The following ARSG variants were observed in gnomAD, a reference collection of about 807,000 sequenced individuals.
The protein encoded by ARSG is arylsulfatase G.
In ARSG, 37 loss-of-function variants were observed where a neutral mutation model predicts 50.5. That is an observed-to-expected ratio of 0.73 (90% CI 0.56 to 0.96). The LOEUF is 0.96. ARSG is among the 50% of genes least tolerant of loss of function. The pLI, the probability that ARSG is intolerant of heterozygous loss-of-function variation, is 0.00. For missense variants in ARSG, 629 were observed against 675.3 expected, an observed-to-expected ratio of 0.93 and a Z score of 0.76; for synonymous variants, 225 against 254.6, an observed-to-expected ratio of 0.88 and a Z score of 1.11.
At chr17:68,442,483 A>AGGAGAAAC in the ARSG span, among the ~76,000 whole-genome samples, 1 of 150,474 alleles carries the variant, frequency 6.6e-6, no homozygotes, top group African/African-American at 2.4e-5. Flanking sequence ...AAAAAAAAAA[A>AGGAGAAAC]GGAGAAACAT....
intron 2 of ARSG, among the ~76,000 whole-genome samples, chr17:68,333,818 C>T (rs1411655367): frequency 6.6e-6 from 1 of 152,068 alleles, no homozygotes; most frequent in Non-Finnish European, 1.5e-5. Context: ...ATAGCTAGAA[C>T]TCGATTTGGA....
chr17:68,286,048 C>A (rs1369841813), intron 1 of ARSG, among the ~76,000 whole-genome samples: 2 of 152,266 alleles, frequency 1.3e-5, no homozygotes, highest in East Asian at 3.9e-4. Context: ...TGTGAGCCAC[C>A]GCGCCTGGCA....
At chr17:68,411,165 G>A (rs948197218) in intron 11 of ARSG, among the ~76,000 whole-genome samples, 8 of 152,096 alleles carry the variant, frequency 5.3e-5, no homozygotes, top group Non-Finnish European at 8.8e-5. Flanking sequence ...CCTTCTGCTA[G>A]CTTTTGAATG....
At chr17:68,431,272 G>A in the ARSG span, among the ~76,000 whole-genome samples, 8 of 152,288 alleles carry the variant, frequency 5.3e-5, no homozygotes, top group South Asian at 2.1e-4. Context: ...GTTCCTTAAC[G>A]TTTCCGTGTC....
chr17:68,426,253 G>GGCCCCCCC, downstream of ARSG: 1 of 841,018 alleles, frequency 1.2e-6, no homozygotes, highest in Non-Finnish European at 1.9e-6. Flanking sequence ...GGGGAGCGGG[G>GGCCCCCCC]GCTCAAATAA....
At chr17:68,374,126 C>T (rs1467173065) in intron 8 of ARSG, among the ~76,000 whole-genome samples, 3 of 140,668 alleles carry the variant, frequency 2.1e-5, no homozygotes, top group Admixed American at 7.4e-5. Flanking sequence ...CACTGGACTC[C>T]AGCCTGGGTG....
chr17:68,415,862 A>G (rs373162948), intron 11 of ARSG, among the ~76,000 whole-genome samples: 1 of 152,152 alleles, frequency 6.6e-6, no homozygotes, highest in Admixed American at 6.5e-5. Context: ...GTTCATTTGC[A>G]TGAAATATCT....
rs756266983 is a variant in ARSG, at chr17:68,368,597, G to T, written c.754G>T (p.Val252Leu). The change falls in exon 7 of 12, where the codon GTG becomes TTG. Residue 252 changes from valine (V) to leucine (L), a missense_variant. Coordinates refer to ENST00000621439, the MANE Select transcript of ARSG (RefSeq NM_001267727.2). ...LLYVALAHMH[V>L]PLPVTQLPAA... ...CTATGTGGCTCTGGCCCACATGCACGTGCCCTTACCTGTGACTCAGCTACC... is the reference window on the plus strand; with the variant it reads ...CTATGTGGCTCTGGCCCACATGCACTTGCCCTTACCTGTGACTCAGCTACC... The T allele has an allele frequency of 6.2e-7, 1 of 1,614,180 alleles. No homozygotes were observed. The highest frequency in any genetic ancestry group is 8.5e-7 in the Non-Finnish European group (1 of 1,180,026).
At chr17:68,395,345 T>C in intron 10 of ARSG, 152 bp downstream of exon 10, 1 of 1,231,264 alleles carries the variant, frequency 8.1e-7, no homozygotes, top group African/African-American at 1.5e-5. Flanking sequence ...CCCAGCACTT[T>C]AGGAGACCAA....
chr17:68,268,330 T>C (rs1555747062), intron 1 of ARSG: 1 of 152,500 alleles, frequency 6.6e-6, no homozygotes. Context: ...AGGAAACACA[T>C]TTTTAAATGC....
chr17:68,352,091 GA>G (rs2078798471), intron 5 of ARSG, among the ~76,000 whole-genome samples: 1 of 36,638 alleles, frequency 2.7e-5, no homozygotes, highest in Non-Finnish European at 6.7e-5. Context: ...AGACAGAGGA[GA>G]GAGAGAGAGA....
chr17:68,353,277 A>G (rs1374372087), intron 5 of ARSG, among the ~76,000 whole-genome samples: 3 of 152,090 alleles, frequency 2.0e-5, no homozygotes, highest in Non-Finnish European at 4.4e-5. Context: ...GGAAAGAGGT[A>G]GGAATGGAGA....
chr17:68,412,975 C>T (rs1262162834), intron 11 of ARSG, among the ~76,000 whole-genome samples: 1 of 151,854 alleles, frequency 6.6e-6, no homozygotes, highest in Admixed American at 6.6e-5. Context: ...GCTCCATCAG[C>T]TCCTTTAAGC....
chr17:68,294,949 C>T (rs568712791), intron 1 of ARSG, among the ~76,000 whole-genome samples: 1 of 152,216 alleles, frequency 6.6e-6, no homozygotes, highest in South Asian at 2.1e-4. Flanking sequence ...TTCTGAGGCA[C>T]AGATAGTGAT....
At chr17:68,259,255 C>T (rs1424638668) in exon 1 of ARSG, 1 of 152,184 alleles carries the variant, frequency 6.6e-6, no homozygotes, top group South Asian at 2.1e-4. Context: ...CCGGGGACTT[C>T]CCCGGCGGGG....
chr17:68,354,698 A>G (rs767100130), intron 5 of ARSG, among the ~76,000 whole-genome samples: 1 of 152,144 alleles, frequency 6.6e-6, no homozygotes, highest in African/African-American at 2.4e-5. Context: ...AGCCTGGGCA[A>G]CATGGTGAAA....
chr17:68,437,573 C>T, the ARSG span, among the ~76,000 whole-genome samples: 8 of 151,514 alleles, frequency 5.3e-5, no homozygotes, highest in South Asian at 2.1e-4. Flanking sequence ...AAAAAGAAAC[C>T]GAGCAATTTC....
chr17:68,341,689 C>T (rs972207069), intron 2 of ARSG, among the ~76,000 whole-genome samples: 1 of 152,150 alleles, frequency 6.6e-6, no homozygotes, highest in Non-Finnish European at 1.5e-5. Flanking sequence ...CATTTGCTCA[C>T]GTCTTGTCAC....
intron 2 of ARSG, among the ~76,000 whole-genome samples, chr17:68,334,710 G>C (rs2146096944): frequency 6.6e-6 from 1 of 152,192 alleles, no homozygotes; most frequent in Admixed American, 6.6e-5. Context: ...CCACGGGGAA[G>C]GTCTGAGCTG....
Sources: gnomAD v4.1 joint callset for allele counts (sites outside exome capture counted in the v4.1 genomes callset) on GRCh38, gnomAD v4.1.1 for gene constraint, MANE v1.5 for transcripts, NCBI Gene and HGNC (gene_info 2026-07-23, HGNC 2026-07-21) for gene names.